Variants in PTER observed in about 807,000 individuals in gnomAD.
PTER encodes phosphotriesterase related.
Under a neutral mutation model 29.6 loss-of-function variants are expected in PTER, and 38 were observed. The observed-to-expected ratio is 1.28, with a 90% CI of 0.99 to 1.68. The LOEUF is 1.68. Among genes scored for constraint, PTER ranks in the 40% most tolerant of loss-of-function variants. PTER has a pLI of 0.00. For missense variants in PTER, 482 were observed against 427.8 expected (o/e 1.13, Z -1.12); for synonymous variants, 172 against 154.5 (o/e 1.11, Z -0.84).
intron 1 of PTER, among the ~76,000 whole-genome samples, chr10:16,467,868 GA>G (rs1451656386): frequency 6.6e-6 from 1 of 152,122 alleles, no homozygotes; most frequent in Non-Finnish European, 1.5e-5. Flanking sequence ...GAAGATACAG[GA>G]AAGTTGAAAA....
At chr10:16,446,560 A>G (rs560632345) in intron 1 of PTER, among the ~76,000 whole-genome samples, 3 of 152,228 alleles carry the variant, frequency 2.0e-5, no homozygotes, top group East Asian at 3.9e-4. Flanking sequence ...AATGTTCTCC[A>G]TGAAGACTCT....
intron 1 of PTER, among the ~76,000 whole-genome samples, chr10:16,469,233 G>A (rs543145230): frequency 1.3e-5 from 2 of 152,274 alleles, no homozygotes; most frequent in South Asian, 4.1e-4. Flanking sequence ...CCTGCTCAGA[G>A]ACCTTGCGAC....
intron 1 of PTER, among the ~76,000 whole-genome samples, chr10:16,474,061 C>T (rs1023190353): frequency 1.3e-5 from 2 of 151,978 alleles, no homozygotes; most frequent in African/African-American, 2.4e-5. Flanking sequence ...ACTAAAAATA[C>T]AAAAAATTAG....
intron 4 of PTER, among the ~76,000 whole-genome samples, chr10:16,510,680 T>G (rs958295821): frequency 2.0e-5 from 3 of 152,058 alleles, no homozygotes; most frequent in African/African-American, 7.2e-5. Context: ...GGAGAGGCAT[T>G]TGAGAGAGGA....
intron 3 of PTER, among the ~76,000 whole-genome samples, chr10:16,501,584 C>T (rs1177909265): frequency 2.0e-5 from 3 of 152,182 alleles, no homozygotes; most frequent in Non-Finnish European, 2.9e-5. Flanking sequence ...TTTCTTCCCC[C>T]CATACTACCC....
chr10:16,459,004 G>A (rs986552880), intron 1 of PTER, among the ~76,000 whole-genome samples: 2 of 152,052 alleles, frequency 1.3e-5, no homozygotes, highest in Non-Finnish European at 2.9e-5. Flanking sequence ...GAACAGATAA[G>A]TGCAAAGGGA....
At chr10:16,462,541 GA>G (rs1478307861) in intron 1 of PTER, among the ~76,000 whole-genome samples, 2 of 149,218 alleles carry the variant, frequency 1.3e-5, no homozygotes, top group Admixed American at 1.3e-4. Context: ...CCAGCCCTGC[GA>G]TTTGTGCTGT....
chr10:16,494,088 C>T (rs538463070), intron 3 of PTER, among the ~76,000 whole-genome samples: 1 of 152,260 alleles, frequency 6.6e-6, no homozygotes, highest in South Asian at 2.1e-4. Context: ...TTTATCTTCA[C>T]TCTCCTCAAT....
At chr10:16,507,888 G>A (rs1438916544) in intron 4 of PTER, among the ~76,000 whole-genome samples, 4 of 152,078 alleles carry the variant, frequency 2.6e-5, no homozygotes, top group East Asian at 1.9e-4. Context: ...AGGTGAACCT[G>A]TTCCCCTAAA....
chr10:16,472,896 A>G (rs999857124), intron 1 of PTER, among the ~76,000 whole-genome samples: 9 of 152,186 alleles, frequency 5.9e-5, no homozygotes, highest in Non-Finnish European at 8.8e-5. Context: ...AGAAGTCAAC[A>G]TTTAAACCAG....
chr10:16,460,325 ATAGT>A lies in PTER; in HGVS notation c.-49+23283_-49+23286del, dbSNP rs570462569. ...TTTGATGTTCATAGTAAATACCTAC[ATAGT>A]TAGTAAAACAAACATTGGACAAGTT... On this transcript the variant is annotated intron_variant, in intron 1 of 4. Transcript: ENST00000535784. 9.8e-5 allele frequency among the ~76,000 whole-genome samples: 15 copies of A among 152,352 alleles called. 1 individual carries two copies. The highest frequency in any genetic ancestry group is 2.4e-4 in the African/African-American group (10 of 41,598).
intron 1 of PTER, among the ~76,000 whole-genome samples, chr10:16,442,246 T>A (rs1231767841): frequency 6.6e-6 from 1 of 152,224 alleles, no homozygotes; most frequent in East Asian, 1.9e-4. Context: ...AAACATTTTT[T>A]AAATTTTCAT....
intron 1 of PTER, among the ~76,000 whole-genome samples, chr10:16,478,502 T>G (rs1345476872): frequency 1.3e-5 from 2 of 152,064 alleles, no homozygotes; most frequent in African/African-American, 4.8e-5. Flanking sequence ...GCTGACTAAT[T>G]TTTGTATTTT....
At chr10:16,469,332 T>C (rs1397974324) in intron 1 of PTER, among the ~76,000 whole-genome samples, 1 of 152,176 alleles carries the variant, frequency 6.6e-6, no homozygotes, top group Admixed American at 6.5e-5. Context: ...AGATTTGTTT[T>C]TTAAGATTAG....
chr10:16,501,218 C>A (rs1836325693), intron 3 of PTER, among the ~76,000 whole-genome samples: 1 of 151,792 alleles, frequency 6.6e-6, no homozygotes, highest in African/African-American at 2.4e-5. Context: ...GGTGTGAGCC[C>A]CCATGCTCAG....
At chr10:16,469,131 G>A (rs1834953535) in intron 1 of PTER, among the ~76,000 whole-genome samples, 1 of 152,164 alleles carries the variant, frequency 6.6e-6, no homozygotes, top group Non-Finnish European at 1.5e-5. Flanking sequence ...GAGTGCTGAA[G>A]GCCGAGTAGA....
intron 1 of PTER, among the ~76,000 whole-genome samples, chr10:16,446,150 C>T (rs1834003988): frequency 6.6e-6 from 1 of 151,882 alleles, no homozygotes; most frequent in South Asian, 2.1e-4. Context: ...CATAGTTGAT[C>T]TTGAATGTTC....
chr10:16,467,840 T>G (rs1834896359), intron 1 of PTER, among the ~76,000 whole-genome samples: 1 of 152,080 alleles, frequency 6.6e-6, no homozygotes, highest in African/African-American at 2.4e-5. Flanking sequence ...TTTGCTGCCT[T>G]CTGAGAACTT....
chr10:16,486,608 A>C lies in PTER; in HGVS notation c.689A>C (p.His230Pro). Residue 230 changes from histidine (H) to proline (P), a missense_variant, in exon 3 of 5, where the codon CAC becomes CCC. His to Pro is a moderately conservative substitution (Grantham distance 77). Transcript: ENST00000535784. ...GACATCTCCAAAACAGTCATGTCACACCTGGATAGGTAAGTAGGCTGTCTT... is the reference window on the plus strand; with the variant it reads ...GACATCTCCAAAACAGTCATGTCACCCCTGGATAGGTAAGTAGGCTGTCTT... ...GADISKTVMSHLDRTILDKKE... is the reference protein window; with the variant it reads ...GADISKTVMSPLDRTILDKKE... The C allele has an allele frequency of 6.2e-7, 1 of 1,611,550 alleles. No homozygotes were observed. The highest frequency in any genetic ancestry group is 8.5e-7 in the Non-Finnish European group (1 of 1,178,312).
Sources: gnomAD v4.1 joint callset for allele counts (sites outside exome capture counted in the v4.1 genomes callset) on GRCh38, gnomAD v4.1.1 for gene constraint, MANE v1.5 for transcripts, NCBI Gene and HGNC (gene_info 2026-07-23, HGNC 2026-07-21) for gene names.